Variants in TET2 observed in about 807,000 individuals in gnomAD.
TET2 encodes the protein tet methylcytosine dioxygenase 2.
In TET2, 299 loss-of-function variants were observed where a neutral mutation model predicts 142.9. That is an observed-to-expected ratio of 2.09 (90% confidence interval 1.90 to 2.30). The LOEUF (loss-of-function observed/expected upper bound fraction) is 2.30. TET2 is among the 30% of genes most tolerant of loss of function. The pLI is 0.00. For missense variants in TET2, 2,418 were observed against 2,378.0 expected (o/e 1.02, Z -0.35); for synonymous variants, 819 against 849.0 (o/e 0.96, Z 0.61).
intron 1 of TET2, among the ~76,000 whole-genome samples, chr4:105,156,999 A>G (rs1481175592): frequency 1.3e-5 from 2 of 152,158 alleles, no homozygotes; most frequent in African/African-American, 4.8e-5. Context: ...ATAACTTTTC[A>G]TTATATTTGC....
intron 3 of TET2, chr4:105,240,698 CT>C: frequency 9.3e-7 from 1 of 1,080,398 alleles, no homozygotes. Flanking sequence ...TCACCCACCC[CT>C]ATCTTCCCAC....
At chr4:105,250,532 C>G (rs943098194) in intron 6 of TET2, among the ~76,000 whole-genome samples, 1 of 150,960 alleles carries the variant, frequency 6.6e-6, no homozygotes, top group Admixed American at 6.6e-5. Flanking sequence ...CATCCAACCC[C>G]CTTCTGGGAC....
chr4:105,170,206 T>G (rs753978000), intron 1 of TET2, among the ~76,000 whole-genome samples: 3 of 152,224 alleles, frequency 2.0e-5, no homozygotes, highest in Non-Finnish European at 4.4e-5. Flanking sequence ...GTCTGCTTTC[T>G]CCAGTAGATG....
chr4:105,163,774 C>G (rs1336690906), intron 1 of TET2, among the ~76,000 whole-genome samples: 1 of 146,938 alleles, frequency 6.8e-6, no homozygotes, highest in African/African-American at 2.5e-5. Flanking sequence ...TGGATGCCAA[C>G]AAGCAGTCTG....
intron 1 of TET2, among the ~76,000 whole-genome samples, chr4:105,164,235 G>GTT (rs1724036233): frequency 6.6e-6 from 1 of 152,102 alleles, no homozygotes; most frequent in Admixed American, 6.6e-5. Context: ...TACTCTCTGC[G>GTT]TTTATGAGTT....
intron 2 of TET2, among the ~76,000 whole-genome samples, chr4:105,210,052 G>C (rs928471191): frequency 5.3e-5 from 8 of 152,180 alleles, no homozygotes; most frequent in African/African-American, 1.9e-4. Flanking sequence ...TTAAGTAACT[G>C]CGTGGATGAT....
In TET2 at chr4:105,277,424, T is replaced by A; in HGVS notation, c.*905T>A. Reference sequence around the variant, plus strand: ...TTTAAATGGTGTTTTAGAAGCACTTTGTCTACCTAAGCTTTGACAACTTGA... The same window carrying A: ...TTTAAATGGTGTTTTAGAAGCACTTAGTCTACCTAAGCTTTGACAACTTGA... On this transcript the variant is annotated 3_prime_UTR_variant, in exon 11 of 11. Coordinates refer to ENST00000380013, the MANE Select transcript of TET2 (RefSeq NM_001127208.3). 1 of 226,336 alleles carries A rather than the reference T, an allele frequency of 4.4e-6. No individual in the cohort carries two copies. Among genetic ancestry groups the A allele is most frequent in the African/African-American group, 2.2e-5 (1 of 45,116 alleles). 14.0% of individuals were successfully genotyped at this position (226,336 alleles called of 1,614,324 possible).
In TET2 at chr4:105,217,926, C is replaced by T. The variant is rs752740534; in HGVS notation, c.-46-15971C>T. On this transcript the variant is annotated intron_variant, in intron 2 of 10. Transcript: ENST00000380013. Reference sequence around the variant, plus strand: ...CATCATTTTAGGGTGGACACCATTGCCTAGGACCTGCTTCTTAATGTCAAA... The same window carrying T: ...CATCATTTTAGGGTGGACACCATTGTCTAGGACCTGCTTCTTAATGTCAAA... Among the ~76,000 whole-genome samples the T allele has an allele frequency of 1.1e-4, 17 of 152,066 alleles. No individual in the cohort carries two copies. In the Middle Eastern group the frequency reaches 0.01, roughly 91 times the overall value.
In TET2 at chr4:105,241,375, C is replaced by T. The variant is rs1278154244; in HGVS notation, c.3446C>T (p.Thr1149Ile). 2 of 1,548,824 alleles carry T rather than the reference C, an allele frequency of 1.3e-6. No individual in the cohort carries two copies. The highest frequency in any genetic ancestry group is 1.7e-6 in the Non-Finnish European group (2 of 1,146,090). ...IIEKDEGPFY[T>I]HLGAGPNVAA... ...GAAAAAGATGAAGGTCCTTTTTATA[C>T]CCATCTAGGAGCAGGTCCTAATGTG... Residue 1149 changes from threonine (T) to isoleucine (I), a missense_variant, in exon 4 of 11, where the codon ACC becomes ATC. Coordinates refer to ENST00000380013, the MANE Select transcript of TET2 (RefSeq NM_001127208.3).
rs145045951 is a variant in TET2, at chr4:105,162,433, G to A, written c.-193+15454G>A. The stretch of plus-strand genomic sequence containing the variant: ...GCCTGACTGCAGGGGAAACATGGTA[G>A]ATGCCTAAAGGAGGCTTTTCCCTGC... On this transcript the variant is annotated intron_variant, in intron 1 of 10. Coordinates refer to ENST00000380013, the MANE Select transcript of TET2 (RefSeq NM_001127208.3). Among the ~76,000 whole-genome samples, 1,278 of 152,330 alleles carry A rather than the reference G, an allele frequency of 8.4e-3. 10 individuals are homozygous for A. Among genetic ancestry groups the A allele is most frequent in the Non-Finnish European group, 0.014 (975 of 68,036 alleles).
Position 105,276,840 on chromosome 4 carries a change from C to CCCCCCCCCCCCG in TET2, c.*330_*331insCCGCCCCCCCCC. The CCCCCCCCCCCCG allele has an allele frequency of 7.2e-6, 1 of 138,734 alleles. No individual in the cohort carries two copies. Among genetic ancestry groups the CCCCCCCCCCCCG allele is most frequent in the Non-Finnish European group, 1.3e-5 (1 of 77,796 alleles). 8.6% of individuals were successfully genotyped at this position (138,734 alleles called of 1,614,324 possible). On this transcript the variant is annotated 3_prime_UTR_variant, in exon 11 of 11. Transcript: ENST00000380013. ...GACGAGATGATATGTAAATGTGATC[C>CCCCCCCCCCCCG]CCCCCCCCCGCTTACAACTCTACAC...
Position 105,235,213 on chromosome 4 carries a change from G to T in TET2, c.1271G>T (p.Ser424Ile). ...CCTCAGCTTCCTTCAGAAGGAAAAA[G>T]CACTCTGAATGGTGGAGTTTTAGAA... ...QVPQLPSEGK[S>I]TLNGGVLEEH... The change falls in exon 3 of 11, where the codon AGC becomes ATC. Residue 424 changes from serine to isoleucine, a missense_variant. Ser to Ile is a moderately radical substitution (Grantham distance 142). Transcript: ENST00000380013. The T allele has an allele frequency of 6.2e-7, 1 of 1,613,998 alleles. No homozygotes were observed. The highest frequency in any genetic ancestry group is 8.5e-7 in the Non-Finnish European group (1 of 1,179,982).
At chr4:105,256,943 T>G (rs530010513) in intron 6 of TET2, among the ~76,000 whole-genome samples, 32 of 152,352 alleles carry the variant, frequency 2.1e-4, no homozygotes, top group Non-Finnish European at 1.5e-5. Flanking sequence ...TTATCTCATG[T>G]ATTTAATAAA....
chr4:105,151,107 C>T lies in TET2; in HGVS notation c.-193+4128C>T, dbSNP rs115411849. Among the ~76,000 whole-genome samples the T allele has an allele frequency of 7.6e-3, 1,151 of 152,074 alleles. 6 individuals carry two copies. The highest frequency in any genetic ancestry group is 0.012 in the Non-Finnish European group (822 of 67,978). On this transcript the variant is annotated intron_variant, in intron 1 of 10. Transcript: ENST00000380013. ...GGCCAAGGTGAGAGATCACTTGAGG[C>T]CAGGAGTTTGAAACCACCCTGGGCA...
intron 8 of TET2, among the ~76,000 whole-genome samples, chr4:105,262,969 C>T (rs1026018468): frequency 5.3e-5 from 8 of 151,926 alleles, no homozygotes; most frequent in East Asian, 3.9e-4. Flanking sequence ...TCTGAGGCTG[C>T]GGTGAGCCAT....
chr4:105,230,054 T>TA (rs1491168214), intron 2 of TET2, among the ~76,000 whole-genome samples: 138 of 152,006 alleles, frequency 9.1e-4, no homozygotes, highest in African/African-American at 3.1e-3. Context: ...TATATATATA[T>TA]TTTTTGAGAC....
intron 4 of TET2, chr4:105,242,352 A>T: frequency 9.3e-7 from 1 of 1,078,494 alleles, no homozygotes. Context: ...TATTTCTAGG[A>T]CTATTCCATA....
intron 3 of TET2, chr4:105,241,038 TAC>T (rs1220176306): frequency 9.4e-7 from 1 of 1,064,920 alleles, no homozygotes; most frequent in Non-Finnish European, 1.2e-6. Flanking sequence ...CTACATATAA[TAC>T]ATTCTAATTC....
chr4:105,242,304 C>A (rs1165215280), intron 4 of TET2: 4 of 1,078,470 alleles, frequency 3.7e-6, no homozygotes, highest in Non-Finnish European at 4.6e-6. Context: ...TTTAAACAAG[C>A]AGTAGGTGGT....
Sources: gnomAD v4.1 joint callset for allele counts (sites outside exome capture counted in the v4.1 genomes callset) on GRCh38, gnomAD v4.1.1 for gene constraint, MANE v1.5 for transcripts, NCBI Gene and HGNC (gene_info 2026-07-23, HGNC 2026-07-21) for gene names.